SLC34A3: variants seen among roughly 807,000 people sequenced by gnomAD.
SLC34A3 encodes the protein solute carrier family 34 member 3.
In SLC34A3, 60 loss-of-function variants were observed where a neutral mutation model predicts 43.9. That is an observed-to-expected ratio of 1.37 (90% CI 1.11 to 1.70). The LOEUF is 1.70. SLC34A3 is among the 40% of genes most tolerant of loss of function. The pLI is 0.00. For synonymous variants in SLC34A3, 451 were observed against 386.2 expected (o/e 1.17, Z -1.97); for missense variants, 969 against 823.8 (o/e 1.18, Z -2.16).
rs764008678 is a variant in SLC34A3, at chr9:137,234,444, C to T, written c.1122C>T (p.Gly374=). The part of the protein sequence containing the change: ...ADFPFPLGWL[G]GYLAVLAGAG... ...TCCCCTTCCCGCTGGGCTGGCTCGG[C>T]GGCTACCTGGCCGTCCTCGCGGGCG... The change falls in exon 11 of 13, where the codon GGC becomes GGT. Residue 374 remains glycine (G), a synonymous_variant. Transcript: ENST00000673835. The surrounding 1 kb of genome is among the most constrained non-coding windows in gnomAD (Gnocchi z 6.9). 55 of 1,598,932 alleles carry T rather than the reference C, an allele frequency of 3.4e-5. 1 individual carries two copies. The highest frequency in any genetic ancestry group is 1.2e-4 in the South Asian group (11 of 91,018).
chr9:137,232,117 C>T lies in SLC34A3; in HGVS notation c.131C>T (p.Pro44Leu), dbSNP rs1423175467. ...GTCTTGGAGGAAGGGGACACAGACC[C>T]CTGGACCCTCCCTCAGCTGAAGGAC... ...APVLEEGDTD[P>L]WTLPQLKDTS... Residue 44 changes from proline (P) to leucine (L), a missense_variant, in exon 3 of 13, where the codon CCC becomes CTC. Physicochemically the swap from Pro to Leu is moderately conservative, Grantham distance 98. Coordinates refer to ENST00000673835, the MANE Select transcript of SLC34A3 (RefSeq NM_001177316.2). The T allele has an allele frequency of 6.2e-7, 1 of 1,613,064 alleles. No homozygotes were observed. The highest frequency in any genetic ancestry group is 1.3e-5 in the African/African-American group (1 of 74,934).
Position 137,233,317 on chromosome 9 carries a change from C to T in SLC34A3, c.669C>T (p.Ala223=). The T allele has an allele frequency of 6.2e-7, 1 of 1,600,634 alleles. No individual in the cohort carries two copies. Among genetic ancestry groups the T allele is most frequent in the South Asian group, 1.1e-5 (1 of 89,266 alleles). ...TALLERLSEL[A]LGAASLTPRA... Reference sequence around the variant, plus strand: ...TGCTGGAGAGGCTAAGTGAGCTAGCCCTGGGTGCCGCCAGCCTGACACCCA... The same window carrying T: ...TGCTGGAGAGGCTAAGTGAGCTAGCTCTGGGTGCCGCCAGCCTGACACCCA... The change falls in exon 7 of 13, where the codon GCC becomes GCT. Residue 223 remains alanine, a synonymous_variant. Coordinates refer to ENST00000673835, the MANE Select transcript of SLC34A3 (RefSeq NM_001177316.2).
intron 12 of SLC34A3, among the ~76,000 whole-genome samples, chr9:137,235,124 G>C (rs952438309): frequency 6.6e-6 from 1 of 151,592 alleles, no homozygotes; most frequent in Non-Finnish European, 1.5e-5. Context: ...GACCCTCCCA[G>C]CCCCCATTCC....
Position 137,234,232 on chromosome 9 carries a change from T to C in SLC34A3, c.1049T>C (p.Leu350Pro), listed in dbSNP as rs1836442722. 7 of 1,609,972 alleles carry C rather than the reference T, an allele frequency of 4.3e-6. No homozygotes were observed. In the East Asian group the frequency reaches 6.7e-5, roughly 15 times the overall value. Residue 350 changes from leucine (L) to proline (P), a missense_variant, in exon 10 of 13, where the codon CTG becomes CCG. Leu to Pro is a moderately conservative substitution (Grantham distance 98, BLOSUM62 -3). Transcript: ENST00000673835. The surrounding 1 kb of genome is among the most constrained non-coding windows in gnomAD (Gnocchi z 6.9). ...ATAGTCAAGCTGCTCAACTCTGTGC[T>C]GCGCGGCCGCGTGGCCCAGGTCGTG... Reference protein sequence around the residue: ...VLIVKLLNSVLRGRVAQVVRT... With the variant: ...VLIVKLLNSVPRGRVAQVVRT...
chr9:137,234,690 G>A lies in SLC34A3; in HGVS notation c.1294G>A (p.Ala432Thr), dbSNP rs1227809656. 8 of 1,611,754 alleles carry A rather than the reference G, an allele frequency of 5.0e-6. No homozygotes were observed. Among genetic ancestry groups the A allele is most frequent in the Non-Finnish European group, 6.8e-6 (8 of 1,179,850 alleles). ...CACCACTACCACAGCCCTGCTGGCT[G>A]CCCTGGCCAGCCCCGCAGACAGGAT... Reference protein sequence around the residue: ...IGTTTTALLAALASPADRMLS... With the variant: ...IGTTTTALLATLASPADRMLS... The change falls in exon 12 of 13, where the codon GCC becomes ACC. Residue 432 changes from alanine (A) to threonine (T), a missense_variant. Coordinates refer to ENST00000673835, the MANE Select transcript of SLC34A3 (RefSeq NM_001177316.2). The surrounding 1 kb of genome is among the most constrained non-coding windows in gnomAD (Gnocchi z 6.9).
At chr9:137,233,779 T>TGCCCCCCCCC in intron 8 of SLC34A3, 57 bp downstream of exon 8, 87 of 1,445,788 alleles carry the variant, frequency 6.0e-5, no homozygotes, top group South Asian at 3.7e-4. Context: ...TGCTGAGTCA[T>TGCCCCCCCCC]CCCGCCCCAC....
rs1424970755 is a variant in SLC34A3, at chr9:137,236,360, A to G, written c.1744A>G (p.Thr582Ala). ...CGTCTGCAGCCCCCCGAAGGCCACCACCAAAGAGGCCTACTGCTACGAGAA... is the reference window on the plus strand; with the variant it reads ...CGTCTGCAGCCCCCCGAAGGCCACCGCCAAAGAGGCCTACTGCTACGAGAA... ...CNVCSPPKATTKEAYCYENPE... is the reference protein window; with the variant it reads ...CNVCSPPKATAKEAYCYENPE... Residue 582 changes from threonine to alanine, a missense_variant, in exon 13 of 13, where the codon ACC becomes GCC. Coordinates refer to ENST00000673835, the MANE Select transcript of SLC34A3 (RefSeq NM_001177316.2). 1 of 1,540,384 alleles carries G rather than the reference A, an allele frequency of 6.5e-7. No individual in the cohort carries two copies. The highest frequency in any genetic ancestry group is 2.4e-5 in the East Asian group (1 of 40,888).
Position 137,233,387 on chromosome 9 carries a change from A to T in SLC34A3, c.739A>T (p.Thr247Ser). Residue 247 changes from threonine (T) to serine (S), a missense_variant, in exon 7 of 13, where the codon ACA becomes TCA. Coordinates refer to ENST00000673835, the MANE Select transcript of SLC34A3 (RefSeq NM_001177316.2). ...DILKVLTKPL[T>S]HLIVQLDSDM... ...CCTCAAGGTGCTGACGAAGCCGCTC[A>T]CACACCTCATCGTGCAGGTGAGGAC... is the stretch of plus-strand genomic sequence containing the variant. 1 of 1,605,000 alleles carries T rather than the reference A, an allele frequency of 6.2e-7. No individual in the cohort carries two copies.
At position 137,236,016 on chromosome 9, in the gene SLC34A3, T is replaced by TGCGGCTGCCCATCCCGCTG; in HGVS notation, c.1403_1421dup (p.Arg475AlafsTer124). The TGCGGCTGCCCATCCCGCTG allele has an allele frequency of 6.2e-7, 1 of 1,612,650 alleles. No individual in the cohort carries two copies. Among genetic ancestry groups the TGCGGCTGCCCATCCCGCTG allele is most frequent in the Non-Finnish European group, 8.5e-7 (1 of 1,179,878 alleles). ...CTGCTGTGGTACCTGGTGCCTGCACTGCGGCTGCCCATCCCGCTGGCCAGG... is the reference window on the plus strand; with the variant it reads ...CTGCTGTGGTACCTGGTGCCTGCACTGCGGCTGCCCATCCCGCTGGCGGCTGCCCATCCCGCTGGCCAGG... On this transcript the variant is annotated frameshift_variant, in exon 13 of 13. Transcript: ENST00000673835. LOFTEE classifies it low-confidence loss of function (END_TRUNC).
Position 137,234,238 on chromosome 9 carries a change from G to C in SLC34A3, c.1055G>C (p.Gly352Ala). Residue 352 changes from glycine (G) to alanine (A), a missense_variant, in exon 10 of 13, where the codon GGC becomes GCC. Coordinates refer to ENST00000673835, the MANE Select transcript of SLC34A3 (RefSeq NM_001177316.2). This position sits in a 1 kb window ranked among gnomAD's most constrained non-coding sequence, Gnocchi z 6.9. ...IVKLLNSVLR[G>A]RVAQVVRTVI... ...AAGCTGCTCAACTCTGTGCTGCGCG[G>C]CCGCGTGGCCCAGGTCGTGAGGACA... is the stretch of plus-strand genomic sequence containing the variant. 1.2e-6 allele frequency: 2 copies of C among 1,610,220 alleles called. No individual in the cohort carries two copies. The highest frequency in any genetic ancestry group is 1.7e-6 in the Non-Finnish European group (2 of 1,179,258).
At position 137,236,151 on chromosome 9, in the gene SLC34A3, T is replaced by G; in HGVS notation, c.1535T>G (p.Met512Arg). Residue 512 changes from methionine (M) to arginine (R), a missense_variant, in exon 13 of 13, where the codon ATG becomes AGG. Coordinates refer to ENST00000673835, the MANE Select transcript of SLC34A3 (RefSeq NM_001177316.2). ...AAFGLSLAGG[M>R]ELAAVGGPLV... ...TTCGGGCTCTCCCTGGCAGGGGGCA[T>G]GGAGCTGGCCGCTGTCGGGGGTCCC... The G allele has an allele frequency of 6.2e-7, 1 of 1,610,050 alleles. No individual in the cohort carries two copies. Among genetic ancestry groups the G allele is most frequent in the Non-Finnish European group, 8.5e-7 (1 of 1,179,012 alleles).
Position 137,233,044 on chromosome 9 carries a change from C to G in SLC34A3, c.489C>G (p.Val163=). Residue 163 remains valine, a synonymous_variant, in exon 6 of 13, where the codon GTC becomes GTG. Coordinates refer to ENST00000673835, the MANE Select transcript of SLC34A3 (RefSeq NM_001177316.2). ...TGTCTGTGCCCATCATCATGGGTGT[C>G]AACGTAGGCACATCCATCACCAGCA... ...VRVSVPIIMG[V]NVGTSITSTL... 6.2e-7 allele frequency: 1 copy of G among 1,612,052 alleles called. No individual in the cohort carries two copies. The highest frequency in any genetic ancestry group is 8.5e-7 in the Non-Finnish European group (1 of 1,179,914).
Position 137,234,668 on chromosome 9 carries a change from C to G in SLC34A3, c.1272C>G (p.Thr424=), listed in dbSNP as rs1398134751. Residue 424 remains threonine, a synonymous_variant, in exon 12 of 13, where the codon ACC becomes ACG. Coordinates refer to ENST00000673835, the MANE Select transcript of SLC34A3 (RefSeq NM_001177316.2). The surrounding 1 kb of genome is among the most constrained non-coding windows in gnomAD (Gnocchi z 6.9). Reference sequence around the variant, plus strand: ...TCTTACTGGGCTCCAACATCGGCACCACTACCACAGCCCTGCTGGCTGCCC... The same window carrying G: ...TCTTACTGGGCTCCAACATCGGCACGACTACCACAGCCCTGCTGGCTGCCC... ...YPLLLGSNIG[T]TTTALLAALA... The G allele has an allele frequency of 5.0e-6, 8 of 1,612,394 alleles. No homozygotes were observed. The highest frequency in any genetic ancestry group is 6.8e-6 in the Non-Finnish European group (8 of 1,179,872).
chr9:137,230,358 T>C (rs1836142994), upstream of SLC34A3, among the ~76,000 whole-genome samples: 1 of 152,172 alleles, frequency 6.6e-6, no homozygotes, highest in African/African-American at 2.4e-5. Context: ...AACCCTGCCC[T>C]GAACCCGGAT....
intron 1 of SLC34A3, 23 bp from the exon 2 acceptor site, chr9:137,231,641 G>A: frequency 1.4e-6 from 2 of 1,384,524 alleles, no homozygotes; most frequent in African/African-American, 1.4e-5. Context: ...AAATGTCTCT[G>A]ACACGCGCGT....
Position 137,234,378 on chromosome 9 carries a change from G to A in SLC34A3, c.1094-38G>A. 1 of 1,594,738 alleles carries A rather than the reference G, an allele frequency of 6.3e-7. No individual in the cohort carries two copies. The highest frequency in any genetic ancestry group is 1.1e-5 in the South Asian group (1 of 90,086). On this transcript the variant is annotated intron_variant, in intron 10 of 12. Coordinates refer to ENST00000673835, the MANE Select transcript of SLC34A3 (RefSeq NM_001177316.2). This position sits in a 1 kb window ranked among gnomAD's most constrained non-coding sequence, Gnocchi z 6.9. ...ACTCGGGGGCTACCTGGCCCTCCTT[G>A]TGGGCGCTGGCCAGGGCTGACCCGG...
chr9:137,236,362 C>G lies in SLC34A3; in HGVS notation c.1746C>G (p.Thr582=). ...CNVCSPPKAT[T]KEAYCYENPE... ...TCTGCAGCCCCCCGAAGGCCACCAC[C>G]AAAGAGGCCTACTGCTACGAGAACC... Residue 582 remains threonine (T), a synonymous_variant, in exon 13 of 13, where the codon ACC becomes ACG. Transcript: ENST00000673835. The G allele has an allele frequency of 6.5e-7, 1 of 1,540,380 alleles. No homozygotes were observed. The highest frequency in any genetic ancestry group is 8.7e-7 in the Non-Finnish European group (1 of 1,146,772).
chr9:137,233,177 C>A lies in SLC34A3; in HGVS notation c.561-32C>A, dbSNP rs550117646. 3.6e-4 allele frequency: 569 copies of A among 1,559,458 alleles called. 1 individual carries two copies. In the Middle Eastern group the frequency reaches 4.0e-3, roughly 11 times the overall value. On this transcript the variant is annotated intron_variant, in intron 6 of 12. Transcript: ENST00000673835. ...GTGGCAGCCCCAGCCCGGGCCCCCCCACCTGACCCTGCCCACTCTCTGCGG... is the reference window on the plus strand; with the variant it reads ...GTGGCAGCCCCAGCCCGGGCCCCCCAACCTGACCCTGCCCACTCTCTGCGG...
At position 137,233,663 on chromosome 9, in the gene SLC34A3, A is replaced by T; in HGVS notation, c.787A>T (p.Thr263Ser). The change falls in exon 8 of 13, where the codon ACA (threonine) becomes TCA (serine). Residue 263 changes from threonine (T) to serine (S), a missense_variant. Coordinates refer to ENST00000673835, the MANE Select transcript of SLC34A3 (RefSeq NM_001177316.2). ...CTCCGACATGATCATGAGCAGTGCCACAGGCAACGCCACTAACAGCAGTCT... is the reference window on the plus strand; with the variant it reads ...CTCCGACATGATCATGAGCAGTGCCTCAGGCAACGCCACTAACAGCAGTCT... ...LDSDMIMSSATGNATNSSLIK... is the reference protein window; with the variant it reads ...LDSDMIMSSASGNATNSSLIK... The T allele has an allele frequency of 6.2e-7, 1 of 1,612,758 alleles. No homozygotes were observed. Among genetic ancestry groups the T allele is most frequent in the Non-Finnish European group, 8.5e-7 (1 of 1,179,946 alleles).
Sources: allele counts gnomAD v4.1 joint callset (sites outside exome capture counted in the v4.1 genomes callset), GRCh38; gene constraint gnomAD v4.1.1; non-coding constraint Gnocchi (gnomAD v3.1); transcripts MANE v1.5; gene names NCBI Gene and HGNC (gene_info 2026-07-23, HGNC 2026-07-21).